Variants in ZNF248 observed in about 807,000 individuals in gnomAD.
ZNF248 encodes the protein KRAB protein domain.
ZNF248 carries 20 observed loss-of-function variants against 44.3 expected under a neutral mutation model. That is an observed-to-expected ratio of 0.45 (90% CI 0.32 to 0.66). The LOEUF (loss-of-function observed/expected upper bound fraction) is 0.66, where lower values mean the gene tolerates loss of function less well. Among genes scored for constraint, ZNF248 ranks in the 30% least tolerant of loss-of-function variants. The pLI is 0.04. For synonymous variants in ZNF248, 224 were observed against 229.0 expected (o/e 0.98, Z 0.20); for missense variants, 654 against 677.0 (o/e 0.97, Z 0.38).
chr10:37,820,080 T>C (rs1452597068), intron 6 of ZNF248: 4 of 845,800 alleles, frequency 4.7e-6, no homozygotes, highest in Non-Finnish European at 8.3e-6. Flanking sequence ...TGTATCTCTG[T>C]AGCATCTTTT....
chr10:37,813,151 C>T (rs1483666787), intron 6 of ZNF248, among the ~76,000 whole-genome samples: 1 of 152,076 alleles, frequency 6.6e-6, no homozygotes, highest in Non-Finnish European at 1.5e-5. Flanking sequence ...GAGATGAGCA[C>T]TTCCAAAGCC....
At chr10:37,772,128 G>A (rs564954286), downstream of ZNF248, among the ~76,000 whole-genome samples, 6 of 152,256 alleles carry the variant, frequency 3.9e-5, no homozygotes, top group African/African-American at 1.4e-4. Flanking sequence ...AGCCAGGCGT[G>A]GTGGCATGCA....
chr10:37,829,535 A>C lies in ZNF248; in HGVS notation c.*2080T>G. The C allele has an allele frequency of 3.0e-6, 3 of 985,414 alleles. No individual in the cohort carries two copies. The highest frequency in any genetic ancestry group is 3.6e-6 in the Non-Finnish European group (3 of 829,930). 61.0% of individuals were successfully genotyped at this position (985,414 alleles called of 1,614,324 possible). On this transcript the variant is annotated 3_prime_UTR_variant, in exon 6 of 6. Transcript: ENST00000395867. ...GTCAGCTGGAATGCCTTCAGCTCTA[A>C]GTATCAGACAGCCCTAAGACCAAAT...
chr10:37,815,356 G>A (rs752671442), intron 6 of ZNF248, among the ~76,000 whole-genome samples: 4 of 151,812 alleles, frequency 2.6e-5, no homozygotes, highest in South Asian at 2.1e-4. Flanking sequence ...AAGCCACCGC[G>A]CTCAGCTTCA....
At chr10:37,846,231 G>C (rs2059295060) in intron 3 of ZNF248, among the ~76,000 whole-genome samples, 1 of 152,148 alleles carries the variant, frequency 6.6e-6, no homozygotes, top group Non-Finnish European at 1.5e-5. Flanking sequence ...GAGGACCCAA[G>C]TTTGGTTTGG....
the ZNF248 span, among the ~76,000 whole-genome samples, chr10:37,767,681 TAAAGACC>T: frequency 4.1e-4 from 63 of 152,136 alleles, no homozygotes; most frequent in African/African-American, 1.4e-3. Flanking sequence ...TGCCAAAATG[TAAAGACC>T]AATCAAGGCT....
chr10:37,814,722 C>A (rs2052143182), intron 6 of ZNF248, among the ~76,000 whole-genome samples: 1 of 152,150 alleles, frequency 6.6e-6, no homozygotes, highest in Non-Finnish European at 1.5e-5. Flanking sequence ...TGCCTTCTGG[C>A]CTCCAAGATC....
intron 6 of ZNF248, among the ~76,000 whole-genome samples, chr10:37,801,136 G>A (rs2049766126): frequency 6.6e-6 from 1 of 151,844 alleles, no homozygotes; most frequent in Non-Finnish European, 1.5e-5. Flanking sequence ...CAGCACCTTG[G>A]GAGGCTGAGG....
intron 6 of ZNF248, among the ~76,000 whole-genome samples, chr10:37,822,545 A>G (rs1003634699): frequency 6.6e-6 from 1 of 152,144 alleles, no homozygotes; most frequent in African/African-American, 2.4e-5. Context: ...GTGTACCATG[A>G]GAATCTTCAG....
Position 37,830,719 on chromosome 10 carries a change from C to A in ZNF248, c.*896G>T, listed in dbSNP as rs571757369. On this transcript the variant is annotated 3_prime_UTR_variant, in exon 6 of 6. Coordinates refer to ENST00000395867, the MANE Select transcript of ZNF248 (RefSeq NM_021045.3). ...AAACACTCCCACTAAGTCCAAGCTA[C>A]CAAGACAGCACTGAATGTGGAGCTG... is the stretch of plus-strand genomic sequence containing the variant. The A allele has an allele frequency of 4.0e-6, 2 of 494,822 alleles. No homozygotes were observed. The highest frequency in any genetic ancestry group is 4.2e-5 in the African/African-American group (2 of 47,738). The allele number at this position is 494,822 out of a possible 1,614,324, so 30.7% of individuals were successfully genotyped here. A position where few individuals can be genotyped will look rare whatever the true frequency, so the allele number is the denominator to read the frequency against.
At chr10:37,820,926 C>A (rs1369207495) in intron 6 of ZNF248, 6 of 1,589,654 alleles carry the variant, frequency 3.8e-6, no homozygotes, top group East Asian at 2.2e-5. Context: ...CTCTAGTAAA[C>A]CTGGCCTCCA....
At chr10:37,838,751 GA>G (rs150662621) in intron 3 of ZNF248, among the ~76,000 whole-genome samples, 10 of 147,078 alleles carry the variant, frequency 6.8e-5, no homozygotes, top group African/African-American at 1.2e-4. Flanking sequence ...TGAAAAAAAA[GA>G]AAAAAAAAGC....
intron 6 of ZNF248, among the ~76,000 whole-genome samples, chr10:37,812,817 T>A (rs541609638): frequency 6.6e-6 from 1 of 152,126 alleles, no homozygotes; most frequent in South Asian, 2.1e-4. Context: ...AAGAGAACCC[T>A]GATAGAACAC....
At chr10:37,828,358 A>T (rs2054737211), downstream of ZNF248, among the ~76,000 whole-genome samples, 1 of 152,152 alleles carries the variant, frequency 6.6e-6, no homozygotes, top group South Asian at 2.1e-4. Flanking sequence ...CGCTTATCAT[A>T]GCCATCTTCT....
chr10:37,791,086 C>T (rs1354195048), intron 6 of ZNF248, among the ~76,000 whole-genome samples: 1 of 102,038 alleles, frequency 9.8e-6, no homozygotes, highest in Non-Finnish European at 1.8e-5. Context: ...CAGAGTCTCA[C>T]TCTGTCTCCC....
At chr10:37,808,981 T>A (rs940700247) in intron 6 of ZNF248, among the ~76,000 whole-genome samples, 1 of 152,200 alleles carries the variant, frequency 6.6e-6, no homozygotes, top group East Asian at 1.9e-4. Context: ...TGTTCCTAGA[T>A]ATTGAGCCAT....
chr10:37,833,933 T>G (rs1476418150), intron 5 of ZNF248, among the ~76,000 whole-genome samples: 1 of 152,046 alleles, frequency 6.6e-6, no homozygotes, highest in African/African-American at 2.4e-5. Flanking sequence ...AGAATTAGGT[T>G]TGGCAGAGGT....
intron 3 of ZNF248, among the ~76,000 whole-genome samples, chr10:37,838,695 T>C (rs2057730058): frequency 1.3e-5 from 2 of 151,550 alleles, no homozygotes; most frequent in South Asian, 4.2e-4. Context: ...ATACAATATT[T>C]GGTATCTAGT....
At chr10:37,797,464 C>T (rs2133163982) in intron 6 of ZNF248, among the ~76,000 whole-genome samples, 1 of 152,128 alleles carries the variant, frequency 6.6e-6, no homozygotes, top group East Asian at 1.9e-4. Context: ...TGAACATCAA[C>T]AAAATTAAAA....
Sources: allele counts gnomAD v4.1 joint callset (sites outside exome capture counted in the v4.1 genomes callset), GRCh38; gene constraint gnomAD v4.1.1; transcripts MANE v1.5; gene names NCBI Gene and HGNC (gene_info 2026-07-23, HGNC 2026-07-21).